Variants in P3H3 observed in about 807,000 individuals in gnomAD.
P3H3 encodes the protein prolyl 3-hydroxylase 3.
P3H3 carries 64 observed loss-of-function variants against 78.1 expected under a neutral mutation model. The ratio of observed to expected loss-of-function variants is 0.82; its 90% CI spans 0.67 to 1.01. The LOEUF (loss-of-function observed/expected upper bound fraction) is 1.01, where lower values mean the gene tolerates loss of function less well. Ranked by LOEUF, P3H3 falls within the 50% of genes least tolerant of loss-of-function variation. The pLI is 0.00. For missense variants in P3H3, 975 were observed against 982.2 expected (o/e 0.99, Z 0.10); for synonymous variants, 425 against 416.7 (o/e 1.02, Z -0.24).
At position 6,829,991 on chromosome 12, in the gene P3H3, C is replaced by G; in HGVS notation, c.631C>G (p.Leu211Val). 6.2e-7 allele frequency: 1 copy of G among 1,613,944 alleles called. No homozygotes were observed. Among genetic ancestry groups the G allele is most frequent in the South Asian group, 1.1e-5 (1 of 91,082 alleles). Reference protein sequence around the residue: ...SGVRPQSFRDLETPPHWAAYD... With the variant: ...SGVRPQSFRDVETPPHWAAYD... ...AGTTCGGCCCCAGAGCTTCCGGGAC[C>G]TGGAGACGCCCCCACACTGGGTGAG... is the stretch of plus-strand genomic sequence containing the variant. The change falls in exon 2 of 15, where the codon CTG (leucine) becomes GTG (valine). Residue 211 changes from leucine to valine, a missense_variant. Physicochemically the swap from Leu to Val is conservative, Grantham distance 32 (BLOSUM62 1). Coordinates refer to ENST00000290510, the MANE Select transcript of P3H3 (RefSeq NM_014262.5). This position sits in a 1 kb window ranked among gnomAD's most constrained non-coding sequence, Gnocchi z 5.1.
At chr12:6,836,483 G>T (rs11832737) in intron 9 of P3H3, among the ~76,000 whole-genome samples, 1 of 152,158 alleles carries the variant, frequency 6.6e-6, no homozygotes, top group Non-Finnish European at 1.5e-5. Context: ...GGGAGCCACG[G>T]AGTCCACAGT....
chr12:6,834,000 A>G lies in P3H3; in HGVS notation c.1409A>G (p.Asp470Gly), dbSNP rs782464277. ...QLNGSERAVL[D>G]GLLTPAECGV... ...AATGGGTCGGAGCGGGCGGTGTTGG[A>G]TGGGCTGCTCACCCCAGCCGAGTGT... Residue 470 changes from aspartate to glycine, a missense_variant, in exon 9 of 15, where the codon GAT becomes GGT. Physicochemically the swap from Asp to Gly is moderately conservative, Grantham distance 94 (BLOSUM62 -1). Transcript: ENST00000290510. The G allele has an allele frequency of 1.9e-6, 3 of 1,613,712 alleles. No individual in the cohort carries two copies. Among genetic ancestry groups the G allele is most frequent in the Non-Finnish European group, 2.5e-6 (3 of 1,179,854 alleles).
In P3H3 at chr12:6,833,783, A is replaced by C. The variant is rs372937879; in HGVS notation, c.1307A>C (p.Lys436Thr). 1.7e-5 allele frequency: 28 copies of C among 1,612,364 alleles called. No individual in the cohort carries two copies. In the African/African-American group the frequency reaches 3.3e-4, roughly 19 times the overall value. The change falls in exon 8 of 15, where the codon AAG becomes ACG. Residue 436 changes from lysine to threonine, a missense_variant. Lys to Thr is a moderately conservative substitution (Grantham distance 78). Coordinates refer to ENST00000290510, the MANE Select transcript of P3H3 (RefSeq NM_014262.5). Reference protein sequence around the residue: ...EKRPWDHEPVKPKPLTYWKDV... With the variant: ...EKRPWDHEPVTPKPLTYWKDV... ...AGGCCTTGGGACCATGAGCCCGTGA[A>C]GCCAAAGCCCTTGACCTACTGGAAG...
In P3H3 at chr12:6,839,716, A is replaced by G; in HGVS notation, c.*255A>G. ...ACCTGCAGCCCTGGACAGATGGGGA[A>G]CACTGTGCCTCCCTGAACAGAAATG... On this transcript the variant is annotated 3_prime_UTR_variant, in exon 15 of 15. Coordinates refer to ENST00000290510, the MANE Select transcript of P3H3 (RefSeq NM_014262.5). The G allele has an allele frequency of 2.0e-6, 1 of 502,378 alleles. No homozygotes were observed. Among genetic ancestry groups the G allele is most frequent in the Non-Finnish European group, 3.6e-6 (1 of 279,878 alleles). 31.1% of individuals were successfully genotyped at this position (502,378 alleles called of 1,614,324 possible).
chr12:6,838,975 G>T, intron 13 of P3H3, 25 bp from the exon 14 acceptor site: 1 of 1,546,878 alleles, frequency 6.5e-7, no homozygotes, highest in Non-Finnish European at 8.7e-7. Context: ...AATCCCTGGA[G>T]CTGAACCTGC....
At chr12:6,836,234 T>C (rs6489737) in intron 9 of P3H3, among the ~76,000 whole-genome samples, 42,822 of 75,502 alleles carry the variant, frequency 0.57, 7,627 homozygotes, top group African/African-American at 0.66. Flanking sequence ...AAACAAAAAA[T>C]GAAAAAAAAA....
rs782325445 is a variant in P3H3 at position 6,839,001 on chromosome 12, C to T, written c.1907C>T (p.Ala636Val). Residue 636 changes from alanine to valine, a missense_variant and splice_region_variant, in exon 14 of 15, where the codon GCT (alanine) becomes GTT (valine). Physicochemically the swap from Ala to Val is moderately conservative, Grantham distance 64. Transcript: ENST00000290510. ...CTGAACCTGCCCTCATCCCTCCAGG[C>T]TCGGGTGCGTCCTCGCTGTGGGCGC... ...FTEPNALTVTARVRPRCGRLV... is the reference protein window; with the variant it reads ...FTEPNALTVTVRVRPRCGRLV... The T allele has an allele frequency of 2.5e-6, 4 of 1,591,080 alleles. No individual in the cohort carries two copies. Among genetic ancestry groups the T allele is most frequent in the African/African-American group, 2.7e-5 (2 of 74,340 alleles).
Position 6,839,088 on chromosome 12 carries a change from G to C in P3H3, c.1994G>C (p.Arg665Pro). The change falls in exon 14 of 15, where the codon CGG (arginine) becomes CCG (proline). Residue 665 changes from arginine (R) to proline (P), a missense_variant. Arg to Pro is a moderately radical substitution (Grantham distance 103, BLOSUM62 -2). Transcript: ENST00000290510. ...PHGVWAVTRG[R>P]RCALALWHTW... ...GGGGTGTGGGCCGTGACTCGGGGACGGCGCTGTGCCCTGGCACTGTGGCAC... is the reference window on the plus strand; with the variant it reads ...GGGGTGTGGGCCGTGACTCGGGGACCGCGCTGTGCCCTGGCACTGTGGCAC... 6.2e-7 allele frequency: 1 copy of C among 1,610,824 alleles called. No homozygotes were observed.
In P3H3 at chr12:6,831,002, C is replaced by T. The variant is rs1446239260; in HGVS notation, c.986-214C>T. 5 of 828,516 alleles carry T rather than the reference C, an allele frequency of 6.0e-6. No individual in the cohort carries two copies. The highest frequency in any genetic ancestry group is 1.7e-5 in the African/African-American group (1 of 59,488). The allele number at this position is 828,516 out of a possible 1,614,324, so 51.3% of individuals were successfully genotyped here. ...CTTCTCACCTTCCTTTATTTTCCCC[C>T]CTCTTGCTCTTCTTTGAACTCTCCA... is the stretch of plus-strand genomic sequence containing the variant. On this transcript the variant is annotated intron_variant, in intron 4 of 14. Transcript: ENST00000290510. The surrounding 1 kb of genome is among the most constrained non-coding windows in gnomAD (Gnocchi z 4.6).
At position 6,839,319 on chromosome 12, in the gene P3H3, T is replaced by G. The variant is rs1294150004; in HGVS notation, c.2069T>G (p.Leu690Arg). 2 of 1,553,108 alleles carry G rather than the reference T, an allele frequency of 1.3e-6. No individual in the cohort carries two copies. The highest frequency in any genetic ancestry group is 2.7e-5 in the African/African-American group (2 of 72,958). ...REQEWIEAKE[L>R]LQESQEEEEE... ...CAGGAGTGGATAGAAGCCAAAGAAC[T>G]GCTGCAGGAGTCACAGGAGGAGGAG... Residue 690 changes from leucine (L) to arginine (R), a missense_variant, in exon 15 of 15, where the codon CTG becomes CGG. Leu to Arg is a moderately radical substitution (Grantham distance 102). Transcript: ENST00000290510.
At chr12:6,832,293 G>A (rs2137961232) in intron 6 of P3H3, among the ~76,000 whole-genome samples, 1 of 152,330 alleles carries the variant, frequency 6.6e-6, no homozygotes. Flanking sequence ...AAACTGCGGG[G>A]CGGAGGTTAT....
rs782429442 is a variant in P3H3, at chr12:6,830,361, T to C, written c.660T>C (p.Tyr220=). The change falls in exon 3 of 15, where the codon TAT becomes TAC. Residue 220 remains tyrosine, a synonymous_variant. Coordinates refer to ENST00000290510, the MANE Select transcript of P3H3 (RefSeq NM_014262.5). ...DLETPPHWAA[Y]DTGLELLGRQ... is the part of the protein sequence containing the mutation. ...GCTCCCTTCCCCAACAGGCAGCCTA[T>C]GACACTGGCCTGGAGCTACTGGGGC... 8.2e-6 allele frequency: 13 copies of C among 1,580,196 alleles called. No individual in the cohort carries two copies. In the South Asian group the frequency reaches 1.5e-4, roughly 18 times the overall value.
rs1555121804 is a variant in P3H3 at position 6,833,997 on chromosome 12, T to C, written c.1406T>C (p.Leu469Ser). Residue 469 changes from leucine (L) to serine (S), a missense_variant, in exon 9 of 15, where the codon TTG becomes TCG. Transcript: ENST00000290510. Reference sequence around the variant, plus strand: ...CTGAATGGGTCGGAGCGGGCGGTGTTGGATGGGCTGCTCACCCCAGCCGAG... The same window carrying C: ...CTGAATGGGTCGGAGCGGGCGGTGTCGGATGGGCTGCTCACCCCAGCCGAG... ...RQLNGSERAV[L>S]DGLLTPAECG... 1.9e-6 allele frequency: 3 copies of C among 1,613,636 alleles called. No homozygotes were observed. In the African/African-American group the frequency reaches 4.0e-5, roughly 22 times the overall value.
Position 6,839,045 on chromosome 12 carries a change from G to A in P3H3, c.1951G>A (p.Gly651Ser), listed in dbSNP as rs372437802. Residue 651 changes from glycine to serine, a missense_variant, in exon 14 of 15, where the codon GGT (glycine) becomes AGT (serine). Gly to Ser is a moderately conservative substitution (Grantham distance 56). Coordinates refer to ENST00000290510, the MANE Select transcript of P3H3 (RefSeq NM_014262.5). Reference protein sequence around the residue: ...RCGRLVAFSSGVENPHGVWAV... With the variant: ...RCGRLVAFSSSVENPHGVWAV... ...TGGGCGCCTTGTGGCCTTCAGCTCC[G>A]GTGTCGAGAATCCCCATGGGGTGTG... The A allele has an allele frequency of 5.7e-5, 92 of 1,611,792 alleles. No homozygotes were observed. The highest frequency in any genetic ancestry group is 7.0e-5 in the Non-Finnish European group (82 of 1,179,226).
chr12:6,833,865 A>G (rs1943471928), intron 8 of P3H3, 56 bp downstream of exon 8: 4 of 1,613,292 alleles, frequency 2.5e-6, no homozygotes, highest in Non-Finnish European at 3.4e-6. Context: ...GCTGCCAGCT[A>G]CTGCTCTGCC....
chr12:6,836,097 A>G (rs577114942), intron 9 of P3H3, among the ~76,000 whole-genome samples: 4 of 152,032 alleles, frequency 2.6e-5, no homozygotes, highest in African/African-American at 4.8e-5. Context: ...CTATGCGCCT[A>G]TATGTTCCCA....
chr12:6,830,525 G>A lies in P3H3; in HGVS notation c.824G>A (p.Ser275Asn). ...GAEEEEDGAA[S>N]QGGLYEAIAG... ...GAAGAAGAGGAGGATGGGGCTGCGA[G>A]CCAGGGGGGCCTCTATGAGGCCATT... The change falls in exon 3 of 15, where the codon AGC becomes AAC. Residue 275 changes from serine (S) to asparagine (N), a missense_variant. By Grantham distance (46) the Ser-to-Asn change is conservative (BLOSUM62 1). Transcript: ENST00000290510. The A allele has an allele frequency of 6.4e-7, 1 of 1,573,044 alleles. No homozygotes were observed. Among genetic ancestry groups the A allele is most frequent in the South Asian group, 1.2e-5 (1 of 85,090 alleles).
In P3H3 at chr12:6,831,360, C is replaced by T. The variant is rs782703694; in HGVS notation, c.1122+8C>T. 2 of 1,613,486 alleles carry T rather than the reference C, an allele frequency of 1.2e-6. No homozygotes were observed. Among genetic ancestry groups the T allele is most frequent in the South Asian group, 1.1e-5 (1 of 91,046 alleles). ...GGCCTCGGACCCAGAGAGGTAATCC[C>T]CTCTCCACGCTCACCTGGGAGGTAG... On this transcript the variant is annotated splice_region_variant and intron_variant, in intron 5 of 14. Transcript: ENST00000290510. The surrounding 1 kb of genome is among the most constrained non-coding windows in gnomAD (Gnocchi z 4.6).
chr12:6,830,777 T>C lies in P3H3; in HGVS notation c.985+7T>C, dbSNP rs1943442750. ...CATGAGGCCCATGCTCAGGGTCAGTTGGGGAAGGGTGGAAACGGGGAGTGA... is the reference window on the plus strand; with the variant it reads ...CATGAGGCCCATGCTCAGGGTCAGTCGGGGAAGGGTGGAAACGGGGAGTGA... On this transcript the variant is annotated splice_region_variant and intron_variant, in intron 4 of 14. Coordinates refer to ENST00000290510, the MANE Select transcript of P3H3 (RefSeq NM_014262.5). 6.2e-7 allele frequency: 1 copy of C among 1,613,892 alleles called. No individual in the cohort carries two copies. The highest frequency in any genetic ancestry group is 8.5e-7 in the Non-Finnish European group (1 of 1,179,830).
Sources: gnomAD v4.1 joint callset for allele counts (sites outside exome capture counted in the v4.1 genomes callset) on GRCh38, gnomAD v4.1.1 for gene constraint, Gnocchi (gnomAD v3.1) non-coding constraint, MANE v1.5 for transcripts, NCBI Gene and HGNC (gene_info 2026-07-23, HGNC 2026-07-21) for gene names.